Variants in C15orf39 observed in about 807,000 individuals in gnomAD.
The protein encoded by C15orf39 is uncharacterized protein C15orf39.
Under a neutral mutation model 53.9 loss-of-function variants are expected in C15orf39, and 24 were observed. The observed-to-expected ratio is 0.45, with a 90% CI of 0.32 to 0.63. The LOEUF (loss-of-function observed/expected upper bound fraction) is 0.63. C15orf39 is among the 20% of genes least tolerant of loss of function. The probability of loss-of-function intolerance (pLI) is 0.04; values close to 1 mark genes in which losing one functional copy is unlikely to be tolerated. For missense variants in C15orf39, 1,271 were observed against 1,347.9 expected, an observed-to-expected ratio of 0.94 and a Z score of 0.89; for synonymous variants, 569 against 576.5, an observed-to-expected ratio of 0.99 and a Z score of 0.19.
rs2070441686 is a variant in C15orf39, at chr15:75,206,757, A to G, written c.709A>G (p.Asn237Asp). Residue 237 changes from asparagine (N) to aspartate (D), a missense_variant, in exon 2 of 3, where the codon AAC (asparagine) becomes GAC (aspartate). Physicochemically the swap from Asn to Asp is conservative, Grantham distance 23. Coordinates refer to ENST00000394987, the MANE Select transcript of C15orf39 (RefSeq NM_015492.5). The part of the protein sequence containing the change: ...ASRYTGPYPR[N>D]SKQAMSEGPS... ...CAGGTACACAGGTCCTTACCCTAGG[A>G]ACTCCAAGCAAGCAATGTCTGAGGG... 1.2e-6 allele frequency: 2 copies of G among 1,613,088 alleles called. No individual in the cohort carries two copies. Among genetic ancestry groups the G allele is most frequent in the Non-Finnish European group, 1.7e-6 (2 of 1,179,620 alleles).
chr15:75,206,416 C>A lies in C15orf39; in HGVS notation c.368C>A (p.Pro123Gln). The change falls in exon 2 of 3, where the codon CCA becomes CAA. Residue 123 changes from proline (P) to glutamine (Q), a missense_variant. This residue lies in a region of C15orf39 where 994 missense variants were observed against 993.7 expected (regional missense o/e 1.00). Transcript: ENST00000394987. ...TTCAGTCCCCAGGCTCACTCCTACC[C>A]AGGCCCACCACTGGCAGCACCCAAA... ...LPFSPQAHSYPGPPLAAPKPV... is the reference protein window; with the variant it reads ...LPFSPQAHSYQGPPLAAPKPV... 1 of 1,614,032 alleles carries A rather than the reference C, an allele frequency of 6.2e-7. No homozygotes were observed. The highest frequency in any genetic ancestry group is 1.1e-5 in the South Asian group (1 of 91,060).
chr15:75,210,376 C>G (rs2070474646), intron 2 of C15orf39, among the ~76,000 whole-genome samples: 2 of 152,172 alleles, frequency 1.3e-5, no homozygotes, highest in Admixed American at 1.3e-4. Flanking sequence ...GTCTCTGGGG[C>G]TGGTATGGCA....
Position 75,207,832 on chromosome 15 carries a change from A to G in C15orf39, c.1784A>G (p.Glu595Gly), listed in dbSNP as rs1288993739. 6.2e-7 allele frequency: 1 copy of G among 1,612,840 alleles called. No individual in the cohort carries two copies. The highest frequency in any genetic ancestry group is 1.6e-4 in the Middle Eastern group (1 of 6,062). ...CCTGTCAAGGCTTCCCGTTCTGTGG[A>G]GCATGCCAAGCCTACTGCAGCCATG... ...ASPVKASRSV[E>G]HAKPTAAMDV... Residue 595 changes from glutamate (E) to glycine (G), a missense_variant, in exon 2 of 3, where the codon GAG becomes GGG. Transcript: ENST00000394987.
chr15:75,209,068 G>T (rs1247461869), intron 2 of C15orf39: 1 of 592,436 alleles, frequency 1.7e-6, no homozygotes, highest in Non-Finnish European at 2.8e-6. Flanking sequence ...GAAACTCCTC[G>T]GCCTCCCCTG....
rs2070483261 is a variant in C15orf39, at chr15:75,211,534, T to G, written c.*418T>G. 2 of 168,566 alleles carry G rather than the reference T, an allele frequency of 1.2e-5. No individual in the cohort carries two copies. Among genetic ancestry groups the G allele is most frequent in the Non-Finnish European group, 1.3e-5 (1 of 79,418 alleles). The allele number at this position is 168,566 out of a possible 1,614,324, so 10.4% of individuals were successfully genotyped here. ...TACCCTGTCACCATTTGGTCTCTGC[T>G]TCCTCTCTGGGACAGGGCCTAGAAT... On this transcript the variant is annotated 3_prime_UTR_variant, in exon 3 of 3. Transcript: ENST00000394987.
chr15:75,206,796 T>C lies in C15orf39; in HGVS notation c.748T>C (p.Trp250Arg). The C allele has an allele frequency of 6.2e-7, 1 of 1,608,968 alleles. No individual in the cohort carries two copies. Among genetic ancestry groups the C allele is most frequent in the Non-Finnish European group, 8.5e-7 (1 of 1,177,714 alleles). Residue 250 changes from tryptophan to arginine, a missense_variant, in exon 2 of 3, where the codon TGG (tryptophan) becomes CGG (arginine). By Grantham distance (101) the Trp-to-Arg change is moderately radical. Around this residue, in one of 2 missense-constraint regions of C15orf39, gnomAD observed 994 missense variants for 993.7 expected, o/e 1.00. Transcript: ENST00000394987. ...QAMSEGPSSPWTQLAQPLGPP... is the reference protein window; with the variant it reads ...QAMSEGPSSPRTQLAQPLGPP... ...AATGTCTGAGGGGCCCTCAAGTCCT[T>C]GGACCCAGCTGGCCCAGCCCCTGGG...
Position 75,206,229 on chromosome 15 carries a change from G to C in C15orf39, c.181G>C (p.Glu61Gln). The change falls in exon 2 of 3, where the codon GAG becomes CAG. Residue 61 changes from glutamate (E) to glutamine (Q), a missense_variant. This residue lies in a region of C15orf39 where 994 missense variants were observed against 993.7 expected (regional missense o/e 1.00). Transcript: ENST00000394987. The stretch of plus-strand genomic sequence containing the variant: ...GGCAGGTACTCCTAAGGCCGAGTCT[G>C]AGCAGTTGGCGTCCTGGACCCCATA... ...PMAGTPKAES[E>Q]QLASWTPYPP... 1 of 1,614,118 alleles carries C rather than the reference G, an allele frequency of 6.2e-7. No individual in the cohort carries two copies. The highest frequency in any genetic ancestry group is 8.5e-7 in the Non-Finnish European group (1 of 1,179,990).
rs199773722 is a variant in C15orf39, at chr15:75,207,203, C to A, written c.1155C>A (p.Leu385=). 6.2e-7 allele frequency: 1 copy of A among 1,613,850 alleles called. No individual in the cohort carries two copies. Among genetic ancestry groups the A allele is most frequent in the African/African-American group, 1.3e-5 (1 of 74,990 alleles). Residue 385 remains leucine, a synonymous_variant, in exon 2 of 3, where the codon CTC becomes CTA. Coordinates refer to ENST00000394987, the MANE Select transcript of C15orf39 (RefSeq NM_015492.5). ...TLSFPYARDD[L]SLYGASPGLG... is the part of the protein sequence containing the mutation. ...GTTTTCCTTATGCCCGGGATGACCT[C>A]TCTCTCTATGGAGCATCCCCTGGGC...
In C15orf39 at chr15:75,211,078, TG is replaced by T; in HGVS notation, c.3107del (p.Cys1036SerfsTer55). 1 of 1,601,314 alleles carries T rather than the reference TG, an allele frequency of 6.2e-7. No homozygotes were observed. Among genetic ancestry groups the T allele is most frequent in the Non-Finnish European group, 8.5e-7 (1 of 1,179,758 alleles). On this transcript the variant is annotated frameshift_variant, in exon 3 of 3. Transcript: ENST00000394987. LOFTEE classifies it high-confidence loss of function. Reference sequence around the variant, plus strand: ...CTCAAGACCAGACCAGCCCTCACCCTGCCCACAGCTGCTGGACAGCCAGAGC... The same window carrying T: ...CTCAAGACCAGACCAGCCCTCACCCTCCCACAGCTGCTGGACAGCCAGAGC... ...KSSRPDQPSP[C>X]PQLLDSQSHH...
At position 75,206,206 on chromosome 15, in the gene C15orf39, C is replaced by T. The variant is rs369809955; in HGVS notation, c.158C>T (p.Ala53Val). 6.8e-5 allele frequency: 110 copies of T among 1,613,974 alleles called. No individual in the cohort carries two copies. The Middle Eastern group carries it at 2.5e-3, about 36-fold the overall frequency. The change falls in exon 2 of 3, where the codon GCA becomes GTA. Residue 53 changes from alanine to valine, a missense_variant. By Grantham distance (64) the Ala-to-Val change is moderately conservative. Transcript: ENST00000394987. ...YKGSYFSCPM[A>V]GTPKAESEQL... is the part of the protein sequence containing the mutation. ...GGGTCCTACTTCTCCTGCCCCATGGCAGGTACTCCTAAGGCCGAGTCTGAG... is the reference window on the plus strand; with the variant it reads ...GGGTCCTACTTCTCCTGCCCCATGGTAGGTACTCCTAAGGCCGAGTCTGAG...
In C15orf39 at chr15:75,208,619, G is replaced by T. The variant is rs899542070; in HGVS notation, c.2571G>T (p.Leu857=). 13 of 1,590,980 alleles carry T rather than the reference G, an allele frequency of 8.2e-6. No individual in the cohort carries two copies. Among genetic ancestry groups the T allele is most frequent in the African/African-American group, 1.3e-5 (1 of 74,610 alleles). ...HLVKERLFPR[L]PPASVDHVLQ... ...TGAAGGAGCGGCTCTTCCCTCGGCTGCCACCCGCTTCTGTGGACCATGTGC... is the reference window on the plus strand; with the variant it reads ...TGAAGGAGCGGCTCTTCCCTCGGCTTCCACCCGCTTCTGTGGACCATGTGC... The change falls in exon 2 of 3, where the codon CTG becomes CTT. Residue 857 remains leucine (L), a synonymous_variant. Coordinates refer to ENST00000394987, the MANE Select transcript of C15orf39 (RefSeq NM_015492.5).
chr15:75,208,560 C>T lies in C15orf39; in HGVS notation c.2512C>T (p.Arg838Ter). The stretch of plus-strand genomic sequence containing the variant: ...CCGGTGCCCCTTCCCCCATGTGGTG[C>T]GAGCTGGCGCCATCTTCGTGCCCAT... The part of the protein sequence containing the change: ...THRCPFPHVV[R>*]AGAIFVPIHL... Residue 838 changes from arginine (R) to a stop codon, truncating the protein, a stop_gained, in exon 2 of 3, where the codon CGA becomes TGA. Coordinates refer to ENST00000394987, the MANE Select transcript of C15orf39 (RefSeq NM_015492.5). LOFTEE classifies it high-confidence loss of function. The T allele has an allele frequency of 2.5e-6, 4 of 1,572,418 alleles. No individual in the cohort carries two copies. The highest frequency in any genetic ancestry group is 3.4e-6 in the Non-Finnish European group (4 of 1,159,746).
At position 75,210,785 on chromosome 15, in the gene C15orf39, C is replaced by G; in HGVS notation, c.2813C>G (p.Ser938Ter). Residue 938 changes from serine (S) to a stop codon, truncating the protein, a stop_gained, in exon 3 of 3, where the codon TCA becomes TGA. Coordinates refer to ENST00000394987, the MANE Select transcript of C15orf39 (RefSeq NM_015492.5). LOFTEE classifies it low-confidence loss of function (END_TRUNC). ...FDTEAGAVSS[S>*]EPTVARGEPE... ...ACTGAGGCTGGAGCTGTGTCCTCCT[C>G]AGAGCCCACTGTGGCCAGAGGTGAG... is the stretch of plus-strand genomic sequence containing the variant. The G allele has an allele frequency of 6.2e-7, 1 of 1,613,296 alleles. No individual in the cohort carries two copies. Among genetic ancestry groups the G allele is most frequent in the Non-Finnish European group, 8.5e-7 (1 of 1,179,510 alleles).
At position 75,206,380 on chromosome 15, in the gene C15orf39, A is replaced by T. The variant is rs1486506863; in HGVS notation, c.332A>T (p.Glu111Val). The change falls in exon 2 of 3, where the codon GAG (glutamate) becomes GTG (valine). Residue 111 changes from glutamate to valine, a missense_variant. Coordinates refer to ENST00000394987, the MANE Select transcript of C15orf39 (RefSeq NM_015492.5). ...PEKMQDSSPV[E>V]LLPFSPQAHS... ...AAGATGCAGGACTCCAGCCCTGTTG[A>T]GCTCCTGCCCTTCAGTCCCCAGGCT... 6.2e-7 allele frequency: 1 copy of T among 1,613,994 alleles called. No individual in the cohort carries two copies. The highest frequency in any genetic ancestry group is 1.1e-5 in the South Asian group (1 of 91,078).
Position 75,211,253 on chromosome 15 carries a change from C to T in C15orf39, c.*137C>T. On this transcript the variant is annotated 3_prime_UTR_variant, in exon 3 of 3. Coordinates refer to ENST00000394987, the MANE Select transcript of C15orf39 (RefSeq NM_015492.5). ...GGGGTTCCATCTCTGACCCTGTGGC[C>T]CATTCAGGGTGGGCTGAAGAGCCCC... The T allele has an allele frequency of 8.1e-7, 1 of 1,236,526 alleles. No individual in the cohort carries two copies. The highest frequency in any genetic ancestry group is 1.1e-6 in the Non-Finnish European group (1 of 912,326). The allele number at this position is 1,236,526 out of a possible 1,614,324, so 76.6% of individuals were successfully genotyped here.
In C15orf39 at chr15:75,211,269, G is replaced by C; in HGVS notation, c.*153G>C. ...CCCTGTGGCCCATTCAGGGTGGGCTGAAGAGCCCCTGAGCTTTTAACGTGA... is the reference window on the plus strand; with the variant it reads ...CCCTGTGGCCCATTCAGGGTGGGCTCAAGAGCCCCTGAGCTTTTAACGTGA... On this transcript the variant is annotated 3_prime_UTR_variant, in exon 3 of 3. Transcript: ENST00000394987. 1 of 1,034,040 alleles carries C rather than the reference G, an allele frequency of 9.7e-7. No individual in the cohort carries two copies. The highest frequency in any genetic ancestry group is 1.4e-6 in the Non-Finnish European group (1 of 734,598). 64.1% of individuals were successfully genotyped at this position (1,034,040 alleles called of 1,614,324 possible).
chr15:75,211,743 C>T lies in C15orf39; in HGVS notation c.*627C>T, dbSNP rs1489169327. On this transcript the variant is annotated 3_prime_UTR_variant, in exon 3 of 3. Transcript: ENST00000394987. The stretch of plus-strand genomic sequence containing the variant: ...GGAGCCTGCACTCCCTGCTCCCAAT[C>T]CCCGCTACTGGTGCAGGGATGCAGC... The T allele has an allele frequency of 6.6e-6, 1 of 152,230 alleles. No individual in the cohort carries two copies. Among genetic ancestry groups the T allele is most frequent in the African/African-American group, 2.4e-5 (1 of 41,436 alleles). The allele number at this position is 152,230 out of a possible 1,614,324, so 9.4% of individuals were successfully genotyped here.
At chr15:75,209,264 G>C (rs1567141243) in intron 2 of C15orf39, 1 of 176,252 alleles carries the variant, frequency 5.7e-6, no homozygotes, top group African/African-American at 2.4e-5. Flanking sequence ...CAGCCCCTGG[G>C]TCTCTCTCCC....
rs1460241101 is a variant in C15orf39, at chr15:75,208,704, G to A, written c.2656G>A (p.Glu886Lys). 6.2e-7 allele frequency: 1 copy of A among 1,607,312 alleles called. No individual in the cohort carries two copies. The change falls in exon 2 of 3, where the codon GAG becomes AAG. Residue 886 changes from glutamate to lysine, a missense_variant. By Grantham distance (56) the Glu-to-Lys change is moderately conservative. This residue lies in a region of C15orf39 where 277 missense variants were observed against 354.1 expected (regional missense o/e 0.78). Coordinates refer to ENST00000394987, the MANE Select transcript of C15orf39 (RefSeq NM_015492.5). Reference sequence around the variant, plus strand: ...GCTGTCGGAGGAGCGGGCACTGCGGGAGCTCGCCCTGCCAGGCTGCACCTC... The same window carrying A: ...GCTGTCGGAGGAGCGGGCACTGCGGAAGCTCGCCCTGCCAGGCTGCACCTC... Reference protein sequence around the residue: ...TTLSEERALRELALPGCTSRM... With the variant: ...TTLSEERALRKLALPGCTSRM...
Sources: gnomAD v4.1 joint callset for allele counts (sites outside exome capture counted in the v4.1 genomes callset) on GRCh38, gnomAD v4.1.1 for gene constraint, gnomAD v4.1.1 regional missense constraint, MANE v1.5 for transcripts, NCBI Gene and HGNC (gene_info 2026-07-23, HGNC 2026-07-21) for gene names.